Variants in GRID2 observed in about 807,000 individuals in gnomAD.
GRID2 encodes the protein glutamate receptor ionotropic, delta-2.
GRID2 carries 33 observed loss-of-function variants against 114.8 expected under a neutral mutation model. That is an observed-to-expected ratio of 0.29 (90% CI 0.22 to 0.38). GRID2 has a LOEUF of 0.38. Among genes scored for constraint, GRID2 ranks in the 10% least tolerant of loss-of-function variants. The pLI is 1.00. For synonymous variants in GRID2, 505 were observed against 449.9 expected (o/e 1.12, Z -1.55); for missense variants, 1,184 against 1,257.7 (o/e 0.94, Z 0.89).
intron 1 of GRID2, among the ~76,000 whole-genome samples, chr4:92,575,271 C>G (rs973715038): frequency 1.3e-5 from 2 of 152,188 alleles, no homozygotes; most frequent in Admixed American, 1.3e-4. Context: ...TCCTTTAGCT[C>G]AGCAAAGTTT....
At chr4:93,443,207 G>A (rs535724147) in intron 10 of GRID2, among the ~76,000 whole-genome samples, 24 of 151,746 alleles carry the variant, frequency 1.6e-4, no homozygotes, top group Non-Finnish European at 2.6e-4. Flanking sequence ...ATGTCAGATC[G>A]TATTACACTC....
intron 2 of GRID2, among the ~76,000 whole-genome samples, chr4:92,897,177 T>A (rs1245198130): frequency 6.6e-6 from 1 of 152,128 alleles, no homozygotes; most frequent in Non-Finnish European, 1.5e-5. Flanking sequence ...TATTAAATTA[T>A]ATTATTTTAA....
chr4:92,485,311 T>C (rs1722812027), intron 1 of GRID2, among the ~76,000 whole-genome samples: 1 of 66,362 alleles, frequency 1.5e-5, no homozygotes, highest in African/African-American at 5.0e-5. Flanking sequence ...CATATATATA[T>C]ATATATATAT....
At chr4:93,125,456 C>T (rs1734179311) in intron 4 of GRID2, among the ~76,000 whole-genome samples, 1 of 151,946 alleles carries the variant, frequency 6.6e-6, no homozygotes, top group African/African-American at 2.4e-5. Context: ...AAACTAAAAG[C>T]TATTAATTGA....
chr4:93,394,808 C>A (rs530714639), intron 8 of GRID2, among the ~76,000 whole-genome samples: 3 of 151,942 alleles, frequency 2.0e-5, no homozygotes, highest in Non-Finnish European at 4.4e-5. Context: ...GTTCTGTAAA[C>A]AGTTATCTGC....
At chr4:92,720,367 A>G (rs141151421) in intron 2 of GRID2, among the ~76,000 whole-genome samples, 1,544 of 152,144 alleles carry the variant, frequency 0.01, 23 homozygotes, top group African/African-American at 0.036. Flanking sequence ...GTAATTCTTT[A>G]AAATACGTTT....
intron 2 of GRID2, among the ~76,000 whole-genome samples, chr4:93,016,713 A>G (rs1256580208): frequency 6.6e-6 from 1 of 152,160 alleles, no homozygotes; most frequent in Non-Finnish European, 1.5e-5. Flanking sequence ...AAAACTAGCA[A>G]AAGATTATAG....
intron 1 of GRID2, among the ~76,000 whole-genome samples, chr4:92,439,134 C>A (rs1416660010): frequency 6.6e-6 from 1 of 151,340 alleles, no homozygotes; most frequent in Non-Finnish European, 1.5e-5. Context: ...GGGGCTTGTT[C>A]TCTGGCGGGC....
intron 4 of GRID2, among the ~76,000 whole-genome samples, chr4:93,206,507 A>G (rs1465129002): frequency 6.6e-6 from 1 of 152,008 alleles, no homozygotes; most frequent in Non-Finnish European, 1.5e-5. Flanking sequence ...TGCCCATGCC[A>G]TGCATAAATC....
At chr4:93,402,474 A>C (rs1765991193) in intron 9 of GRID2, among the ~76,000 whole-genome samples, 1 of 152,146 alleles carries the variant, frequency 6.6e-6, no homozygotes, top group South Asian at 2.1e-4. Context: ...TCAGTAAAGA[A>C]AAAAAAGCAT....
chr4:92,979,171 G>C (rs1028577372), intron 2 of GRID2, among the ~76,000 whole-genome samples: 1 of 151,834 alleles, frequency 6.6e-6, no homozygotes, highest in Non-Finnish European at 1.5e-5. Flanking sequence ...AGATTTGAAG[G>C]CATTACTAAC....
intron 1 of GRID2, among the ~76,000 whole-genome samples, chr4:92,341,687 G>T (rs1004258209): frequency 6.6e-6 from 1 of 152,052 alleles, no homozygotes; most frequent in Non-Finnish European, 1.5e-5. Context: ...TTGGGAGGCC[G>T]AGGCGGGCGG....
At chr4:92,928,638 T>C (rs1750005518) in intron 2 of GRID2, among the ~76,000 whole-genome samples, 1 of 151,628 alleles carries the variant, frequency 6.6e-6, no homozygotes. Context: ...AGAAATGATA[T>C]TTGTGGCCAA....
At chr4:92,423,571 T>C (rs1240559298) in intron 1 of GRID2, among the ~76,000 whole-genome samples, 3 of 152,156 alleles carry the variant, frequency 2.0e-5, no homozygotes, top group Non-Finnish European at 4.4e-5. Context: ...AAAGATTGTG[T>C]ACAACTTAAT....
At chr4:93,679,856 C>A (rs1428702437) in intron 14 of GRID2, among the ~76,000 whole-genome samples, 1 of 150,712 alleles carries the variant, frequency 6.6e-6, no homozygotes, top group Non-Finnish European at 1.5e-5. Context: ...CCTAACATCA[C>A]AATTAAAAGA....
In GRID2 at chr4:93,421,106, T is replaced by C. The variant is rs892886558; in HGVS notation, c.1348-1665T>C. ...TACAGCATTTTCAGTGTCAGGGACATAGACTTCTCTCCTTTCTCTGCTGTG... is the reference window on the plus strand; with the variant it reads ...TACAGCATTTTCAGTGTCAGGGACACAGACTTCTCTCCTTTCTCTGCTGTG... On this transcript the variant is annotated intron_variant, in intron 9 of 15. Transcript: ENST00000282020. Among the ~76,000 whole-genome samples the C allele has an allele frequency of 3.9e-5, 6 of 152,192 alleles. No individual in the cohort carries two copies. The South Asian group carries it at 8.3e-4, about 21-fold the overall frequency.
intron 2 of GRID2, among the ~76,000 whole-genome samples, chr4:92,667,354 T>C (rs1399075376): frequency 6.6e-6 from 1 of 151,650 alleles, no homozygotes; most frequent in Non-Finnish European, 1.5e-5. Context: ...TGGGTAAAAG[T>C]AGAAGTGGGT....
At chr4:93,022,298 C>CT (rs200693764) in intron 2 of GRID2, among the ~76,000 whole-genome samples, 13 of 150,652 alleles carry the variant, frequency 8.6e-5, no homozygotes, top group Non-Finnish European at 1.2e-4. Context: ...AGAATCAGCT[C>CT]TTTTTTTTTA....
At chr4:92,346,648 G>T (rs1331717933) in intron 1 of GRID2, among the ~76,000 whole-genome samples, 1 of 152,100 alleles carries the variant, frequency 6.6e-6, no homozygotes, top group Non-Finnish European at 1.5e-5. Context: ...GAGCCACCGT[G>T]CCCAGCCTAT....
Sources: gnomAD v4.1 joint callset for allele counts (sites outside exome capture counted in the v4.1 genomes callset) on GRCh38, gnomAD v4.1.1 for gene constraint, MANE v1.5 for transcripts, NCBI Gene and HGNC (gene_info 2026-07-23, HGNC 2026-07-21) for gene names.